The following KIF26B variants were observed in gnomAD, a reference collection of about 807,000 sequenced individuals.
KIF26B encodes kinesin-like protein KIF26B.
KIF26B carries 63 observed loss-of-function variants against 151.2 expected under a neutral mutation model. The ratio of observed to expected loss-of-function variants is 0.42; its 90% CI spans 0.34 to 0.51. The LOEUF (loss-of-function observed/expected upper bound fraction) is 0.51, where lower values mean the gene tolerates loss of function less well. Among genes scored for constraint, KIF26B ranks in the 20% least tolerant of loss-of-function variants. KIF26B has a pLI of 0.07. For synonymous variants in KIF26B, 1,357 were observed against 1,262.1 expected (o/e 1.08, Z -1.59); for missense variants, 2,813 against 2,913.6 (o/e 0.97, Z 0.79).
At chr1:245,400,348 T>C (rs539900) in intron 3 of KIF26B, among the ~76,000 whole-genome samples, 82,796 of 152,110 alleles carry the variant, frequency 0.54, 22,770 homozygotes, top group South Asian at 0.66. Context: ...TATTTTACCA[T>C]GGGTTACAGA....
At chr1:245,360,341 T>C (rs1456611345) in intron 2 of KIF26B, among the ~76,000 whole-genome samples, 1 of 152,194 alleles carries the variant, frequency 6.6e-6, no homozygotes, top group African/African-American at 2.4e-5. Flanking sequence ...CCCAACATTA[T>C]ATGAAGTTCT....
chr1:245,697,971 T>C, intron 12 of KIF26B, 135 bp from the exon 13 acceptor site: 7 of 756,674 alleles, frequency 9.3e-6, no homozygotes, highest in Non-Finnish European at 1.5e-5. Flanking sequence ...AGCCCAGGAA[T>C]TCAAGGCTGC....
chr1:245,504,368 CTCCCTCCCTCCT>C (rs1660686661), intron 4 of KIF26B, among the ~76,000 whole-genome samples: 1 of 120,382 alleles, frequency 8.3e-6, no homozygotes, highest in Non-Finnish European at 1.7e-5. Flanking sequence ...TCCTCTCTTT[CTCCCTCCCTCCT>C]TCCCTCCTTC....
At chr1:245,306,057 CTT>C (rs1184430143) in intron 2 of KIF26B, among the ~76,000 whole-genome samples, 1 of 152,012 alleles carries the variant, frequency 6.6e-6, no homozygotes, top group Non-Finnish European at 1.5e-5. Context: ...CAATTCTACC[CTT>C]GTTATGAAAA....
intron 2 of KIF26B, among the ~76,000 whole-genome samples, chr1:245,226,663 A>G (rs1334509210): frequency 6.6e-6 from 1 of 151,976 alleles, no homozygotes; most frequent in African/African-American, 2.4e-5. Flanking sequence ...GGGTTTCTCC[A>G]TGTTGGTCAG....
At chr1:245,342,500 A>G (rs1037466609) in intron 2 of KIF26B, among the ~76,000 whole-genome samples, 3 of 152,306 alleles carry the variant, frequency 2.0e-5, no homozygotes, top group African/African-American at 7.2e-5. Flanking sequence ...TCCTCCGTCT[A>G]TGGCCTCTAG....
At chr1:245,208,970 T>G (rs986818421) in intron 2 of KIF26B, among the ~76,000 whole-genome samples, 4 of 152,238 alleles carry the variant, frequency 2.6e-5, no homozygotes, top group Non-Finnish European at 5.9e-5. Flanking sequence ...TGAAACCAAC[T>G]GCTCATCCTT....
chr1:245,686,719 G>A lies in KIF26B; in HGVS notation c.3736G>A (p.Ala1246Thr). 1.9e-6 allele frequency: 3 copies of A among 1,613,430 alleles called. No homozygotes were observed. The highest frequency in any genetic ancestry group is 1.7e-6 in the Non-Finnish European group (2 of 1,179,780). ...SEDLECYSST[A>T]PVSEVSITQF... ...GGACCTGGAGTGCTACTCCAGCACG[G>A]CCCCCGTCTCCGAGGTCAGCATCAC... The change falls in exon 12 of 15, where the codon GCC becomes ACC. Residue 1246 changes from alanine (A) to threonine (T), a missense_variant. Ala to Thr is a moderately conservative substitution (Grantham distance 58, BLOSUM62 0). Around this residue, in one of 3 missense-constraint regions of KIF26B, gnomAD observed 2,060 missense variants for 2,088.6 expected, o/e 0.99. Transcript: ENST00000407071. The surrounding 1 kb of genome is among the most constrained non-coding windows in gnomAD (Gnocchi z 5.6).
rs1660150346 is a variant in KIF26B at position 245,480,792 on chromosome 1, AAAAAG to A, written c.1167-59973_1167-59969del. On this transcript the variant is annotated intron_variant, in intron 4 of 14. Transcript: ENST00000407071. ...ACTTTTAAAATGTTAAAAAAAAAAA[AAAAAG>A]AGAGAGAGAAATGTTTAAAGTTTGG... 2.0e-5 allele frequency among the ~76,000 whole-genome samples: 3 copies of A among 151,562 alleles called. 1 individual carries two copies. The highest frequency in any genetic ancestry group is 3.0e-5 in the Non-Finnish European group (2 of 67,754).
intron 5 of KIF26B, among the ~76,000 whole-genome samples, chr1:245,592,603 G>T (rs1022363140): frequency 1.3e-5 from 2 of 152,176 alleles, no homozygotes; most frequent in Non-Finnish European, 2.9e-5. Context: ...GGTCAACACG[G>T]AGCAGTCGCT....
chr1:245,406,951 C>A (rs998979596), intron 3 of KIF26B, among the ~76,000 whole-genome samples: 4 of 152,008 alleles, frequency 2.6e-5, no homozygotes, highest in African/African-American at 9.7e-5. Context: ...CCACGCCTGG[C>A]TAATTTTTGT....
intron 3 of KIF26B, among the ~76,000 whole-genome samples, chr1:245,395,423 G>A (rs1048603894): frequency 1.3e-5 from 2 of 152,196 alleles, no homozygotes; most frequent in South Asian, 2.1e-4. Flanking sequence ...TAGTAGTGGA[G>A]GTAGTGAAGG....
chr1:245,260,442 A>G (rs1375141298), intron 2 of KIF26B, among the ~76,000 whole-genome samples: 1 of 152,228 alleles, frequency 6.6e-6, no homozygotes, highest in Non-Finnish European at 1.5e-5. Context: ...GGATTCAGGT[A>G]CCTGTAAGAA....
intron 2 of KIF26B, among the ~76,000 whole-genome samples, chr1:245,175,048 T>C (rs1169443096): frequency 6.6e-6 from 1 of 152,158 alleles, no homozygotes; most frequent in Non-Finnish European, 1.5e-5. Context: ...GAGTTTCTCC[T>C]GGGGGCCCAT....
At chr1:245,678,610 TC>T (rs765231945) in intron 10 of KIF26B, among the ~76,000 whole-genome samples, 7 of 152,082 alleles carry the variant, frequency 4.6e-5, no homozygotes, top group African/African-American at 7.2e-5. Context: ...ACGCCTGTAA[TC>T]CCAGCACTTT....
chr1:245,398,039 C>T (rs1473607285), intron 3 of KIF26B, among the ~76,000 whole-genome samples: 2 of 152,162 alleles, frequency 1.3e-5, no homozygotes, highest in African/African-American at 4.8e-5. Context: ...AAGTAGGGAG[C>T]TTTCCATCTT....
rs150891254 is a variant in KIF26B, at chr1:245,314,324, C to T, written c.466-52510C>T. Among the ~76,000 whole-genome samples the T allele has an allele frequency of 2.3e-3, 350 of 152,130 alleles. 1 individual carries two copies. The highest frequency in any genetic ancestry group is 7.6e-3 in the African/African-American group (314 of 41,502). ...AAAATTAGCCAGGCGTGGTGGTGGGCGCCTGGAATCCCAGCTACTCGGGAG... is the reference window on the plus strand; with the variant it reads ...AAAATTAGCCAGGCGTGGTGGTGGGTGCCTGGAATCCCAGCTACTCGGGAG... On this transcript the variant is annotated intron_variant, in intron 2 of 14. Coordinates refer to ENST00000407071, the MANE Select transcript of KIF26B (RefSeq NM_018012.4).
chr1:245,226,921 G>T (rs969111180), intron 2 of KIF26B, among the ~76,000 whole-genome samples: 1 of 152,198 alleles, frequency 6.6e-6, no homozygotes, highest in African/African-American at 2.4e-5. Flanking sequence ...AGTGAAACCA[G>T]CTTATTTCCA....
chr1:245,685,487 C>A lies in KIF26B; in HGVS notation c.2504C>A (p.Thr835Asn), dbSNP rs534682431. The A allele has an allele frequency of 9.9e-6, 16 of 1,613,718 alleles. No individual in the cohort carries two copies. In the South Asian group the frequency reaches 1.8e-4, roughly 18 times the overall value. ...RRPTQLRPFH[T>N]RATVDPDFPI... Reference sequence around the variant, plus strand: ...CCCACCCAGCTGAGACCCTTCCACACCAGGGCCACGGTGGACCCTGACTTC... The same window carrying A: ...CCCACCCAGCTGAGACCCTTCCACAACAGGGCCACGGTGGACCCTGACTTC... The change falls in exon 12 of 15, where the codon ACC becomes AAC. Residue 835 changes from threonine to asparagine, a missense_variant. Thr to Asn is a moderately conservative substitution (Grantham distance 65). Around this residue, in one of 3 missense-constraint regions of KIF26B, gnomAD observed 2,060 missense variants for 2,088.6 expected, o/e 0.99. Transcript: ENST00000407071.
Sources: allele counts gnomAD v4.1 joint callset (sites outside exome capture counted in the v4.1 genomes callset), GRCh38; gene constraint gnomAD v4.1.1; regional missense constraint gnomAD v4.1.1; non-coding constraint Gnocchi (gnomAD v3.1); transcripts MANE v1.5; gene names NCBI Gene and HGNC (gene_info 2026-07-23, HGNC 2026-07-21).